The following MROH2B variants were observed in gnomAD, a reference collection of about 807,000 sequenced individuals.
MROH2B encodes maestro heat like repeat family member 2B.
Under a neutral mutation model 208.6 loss-of-function variants are expected in MROH2B, and 177 were observed. The ratio of observed to expected loss-of-function variants is 0.85; its 90% CI spans 0.75 to 0.96. MROH2B has a LOEUF of 0.96. MROH2B is among the 40% of genes least tolerant of loss of function. MROH2B has a pLI of 0.00. For synonymous variants in MROH2B, 728 were observed against 659.0 expected, an observed-to-expected ratio of 1.10 and a Z score of -1.60; for missense variants, 2,002 against 1,878.7, an observed-to-expected ratio of 1.07 and a Z score of -1.21.
chr5:41,039,378 T>C, intron 20 of MROH2B, 70 bp downstream of exon 20: 2 of 873,134 alleles, frequency 2.3e-6, no homozygotes, highest in Admixed American at 4.9e-5. Context: ...TAAGAAAGGA[T>C]ATTCACTGAA....
intron 17 of MROH2B, among the ~76,000 whole-genome samples, chr5:41,046,969 T>C (rs936762185): frequency 1.3e-5 from 2 of 152,122 alleles, no homozygotes; most frequent in Non-Finnish European, 2.9e-5. Flanking sequence ...AGATTCTGAA[T>C]CTGGAAGGGA....
intron 21 of MROH2B, among the ~76,000 whole-genome samples, chr5:41,038,029 G>A (rs1217596985): frequency 6.6e-6 from 1 of 152,100 alleles, no homozygotes. Context: ...AACATTCTTG[G>A]TATGTTTGAG....
At chr5:41,004,672 G>A (rs2111804408) in intron 36 of MROH2B, 102 bp downstream of exon 36, 3 of 1,532,468 alleles carry the variant, frequency 2.0e-6, no homozygotes, top group South Asian at 1.3e-5. Flanking sequence ...CAATGTATCT[G>A]GATTTCCAAT....
chr5:41,034,796 T>C (rs1208486562), intron 21 of MROH2B, among the ~76,000 whole-genome samples: 1 of 152,080 alleles, frequency 6.6e-6, no homozygotes, highest in Non-Finnish European at 1.5e-5. Flanking sequence ...AGCATTTTCA[T>C]ACACCAGTAA....
chr5:41,023,713 C>G (rs1033858486), intron 24 of MROH2B, among the ~76,000 whole-genome samples: 1 of 152,026 alleles, frequency 6.6e-6, no homozygotes, highest in Non-Finnish European at 1.5e-5. Flanking sequence ...AGAAGAGCAA[C>G]TCCAAGACAC....
In MROH2B at chr5:41,052,520, C is replaced by A; in HGVS notation, c.1175G>T (p.Gly392Val). Reference sequence around the variant, plus strand: ...GAAGACATAATCAATCAATGGCCATCCTTCCCGAGCTTCAATATAGGACTT... The same window carrying A: ...GAAGACATAATCAATCAATGGCCATACTTCCCGAGCTTCAATATAGGACTT... ...CEKSYIEARE[G>V]WPLIDYVFSQ... is the part of the protein sequence containing the mutation. Residue 392 changes from glycine to valine, a missense_variant, in exon 12 of 42, where the codon GGA becomes GTA. Coordinates refer to ENST00000399564, the MANE Select transcript of MROH2B (RefSeq NM_173489.5). The A allele has an allele frequency of 2.5e-6, 4 of 1,612,716 alleles. No individual in the cohort carries two copies. The highest frequency in any genetic ancestry group is 3.4e-6 in the Non-Finnish European group (4 of 1,179,204).
At chr5:41,027,569 GAACACTTTT>G (rs1742415535) in intron 24 of MROH2B, among the ~76,000 whole-genome samples, 1 of 152,172 alleles carries the variant, frequency 6.6e-6, no homozygotes, top group South Asian at 2.1e-4. Flanking sequence ...GGAGAAATAG[GAACACTTTT>G]ACACTGTTGG....
At chr5:41,052,735 T>G in intron 11 of MROH2B, 148 bp from the exon 12 acceptor site, 1 of 701,502 alleles carries the variant, frequency 1.4e-6, no homozygotes, top group Non-Finnish European at 2.0e-6. Context: ...ACAGATTGAA[T>G]AATCCTTATC....
Position 41,038,784 on chromosome 5 carries a change from A to G in MROH2B, c.2166T>C (p.Asn722=). 6.2e-7 allele frequency: 1 copy of G among 1,613,572 alleles called. No homozygotes were observed. Among genetic ancestry groups the G allele is most frequent in the East Asian group, 2.2e-5 (1 of 44,858 alleles). The part of the protein sequence containing the change: ...APKKQLLSRL[N]QDIISQVLSL... ...ACAGGACTTGGGATATGATATCTTGATTAAGTCTGGAGAGAAGTTGCTTCT... is the reference window on the plus strand; with the variant it reads ...ACAGGACTTGGGATATGATATCTTGGTTAAGTCTGGAGAGAAGTTGCTTCT... Residue 722 remains asparagine (N), a synonymous_variant, in exon 21 of 42, where the codon AAT becomes AAC. Transcript: ENST00000399564.
At chr5:41,070,467 A>G (rs1260545359) in intron 1 of MROH2B, among the ~76,000 whole-genome samples, 1 of 152,166 alleles carries the variant, frequency 6.6e-6, no homozygotes, top group Non-Finnish European at 1.5e-5. Flanking sequence ...ATTTAGGGCA[A>G]TCTTTTTGGC....
chr5:41,023,605 T>C (rs139467459), intron 24 of MROH2B, among the ~76,000 whole-genome samples: 603 of 152,246 alleles, frequency 4.0e-3, no homozygotes, highest in South Asian at 7.5e-3. Flanking sequence ...TTGGAAAACA[T>C]TCTTCAGGAT....
intron 41 of MROH2B, 54 bp from the exon 42 acceptor site, chr5:40,998,212 GA>G: frequency 6.7e-7 from 1 of 1,492,270 alleles, no homozygotes; most frequent in Non-Finnish European, 9.3e-7. Flanking sequence ...AGCCCAGCAA[GA>G]AGGGCAAACC....
intron 6 of MROH2B, among the ~76,000 whole-genome samples, 198 bp from the exon 7 acceptor site, chr5:41,058,401 T>A (rs1320840335): frequency 6.6e-6 from 1 of 152,202 alleles, no homozygotes; most frequent in Non-Finnish European, 1.5e-5. Flanking sequence ...TATTTGTATT[T>A]ACATATGTAT....
Position 41,070,839 on chromosome 5 carries a change from G to C in MROH2B, c.14C>G (p.Thr5Arg), listed in dbSNP as rs760754254. 1 of 1,611,126 alleles carries C rather than the reference G, an allele frequency of 6.2e-7. No homozygotes were observed. Among genetic ancestry groups the C allele is most frequent in the Non-Finnish European group, 8.5e-7 (1 of 1,178,576 alleles). Residue 5 changes from threonine to arginine, a missense_variant, in exon 1 of 42, where the codon ACA becomes AGA. Physicochemically the swap from Thr to Arg is moderately conservative, Grantham distance 71 (BLOSUM62 -1). Transcript: ENST00000399564. ...ATGATGCTTACCTATGGATTCCTCTGTACTAAGTGTCATGTCTTGGCTGTT... is the reference window on the plus strand; with the variant it reads ...ATGATGCTTACCTATGGATTCCTCTCTACTAAGTGTCATGTCTTGGCTGTT... MTLS[T>R]EESIEMFGDI...
chr5:41,040,602 C>T (rs1742913286), intron 19 of MROH2B, among the ~76,000 whole-genome samples: 2 of 152,162 alleles, frequency 1.3e-5, no homozygotes, highest in African/African-American at 4.8e-5. Flanking sequence ...GTATGTAAGA[C>T]ATATTCAAGG....
intron 24 of MROH2B, among the ~76,000 whole-genome samples, chr5:41,022,624 C>A (rs2111890856): frequency 6.6e-6 from 1 of 152,354 alleles, no homozygotes; most frequent in Middle Eastern, 3.4e-3. Context: ...CCTCTGGTGG[C>A]AGGGCATAGC....
intron 23 of MROH2B, 110 bp from the exon 24 acceptor site, chr5:41,032,931 A>C (rs777666675): frequency 9.6e-6 from 15 of 1,555,864 alleles, no homozygotes; most frequent in Non-Finnish European, 1.2e-5. Context: ...AACAAGGCAG[A>C]GATCTGTTAT....
chr5:41,066,246 G>A (rs1006082090), intron 3 of MROH2B, among the ~76,000 whole-genome samples: 2 of 152,062 alleles, frequency 1.3e-5, no homozygotes, highest in Non-Finnish European at 2.9e-5. Context: ...TGGTGATGGC[G>A]AACTAGGTAA....
chr5:41,030,476 CACAA>C (rs1554049049), intron 24 of MROH2B, among the ~76,000 whole-genome samples: 2 of 151,908 alleles, frequency 1.3e-5, no homozygotes, highest in Non-Finnish European at 1.5e-5. Context: ...TCATAGATGA[CACAA>C]ACAAATGGAA....
Sources: gnomAD v4.1 joint callset for allele counts (sites outside exome capture counted in the v4.1 genomes callset) on GRCh38, gnomAD v4.1.1 for gene constraint, MANE v1.5 for transcripts, NCBI Gene and HGNC (gene_info 2026-07-23, HGNC 2026-07-21) for gene names.